The following JAZF1 variants were observed in gnomAD, a reference collection of about 807,000 sequenced individuals.
JAZF1 encodes juxtaposed with another zinc finger protein 1.
A neutral mutation model predicts 26.4 loss-of-function variants in JAZF1; 8 were observed. The ratio of observed to expected loss-of-function variants is 0.30; its 90% confidence interval spans 0.18 to 0.55. The LOEUF (loss-of-function observed/expected upper bound fraction) is 0.55, where lower values mean the gene tolerates loss of function less well. Among genes scored for constraint, JAZF1 ranks in the 20% least tolerant of loss-of-function variants. The pLI, the probability that JAZF1 is intolerant of heterozygous loss-of-function variation, is 0.94. For synonymous variants in JAZF1, 126 were observed against 122.3 expected (o/e 1.03, Z -0.20); for missense variants, 199 against 322.0 (o/e 0.62, Z 2.92).
At chr7:28,078,557 T>A (rs967030057) in intron 1 of JAZF1, among the ~76,000 whole-genome samples, 2 of 152,204 alleles carry the variant, frequency 1.3e-5, no homozygotes, top group African/African-American at 4.8e-5. Flanking sequence ...CCAGATTAAT[T>A]TCATGTAACC....
chr7:28,172,018 T>C (rs575591940), intron 1 of JAZF1, among the ~76,000 whole-genome samples: 10 of 152,204 alleles, frequency 6.6e-5, no homozygotes, highest in Non-Finnish European at 1.2e-4. Context: ...CACAAAATTT[T>C]ACAAGCCGCA....
rs775277755 is a variant in JAZF1 at position 28,051,131 on chromosome 7, CAA to C, written c.116-59152_116-59151del. On this transcript the variant is annotated intron_variant, in intron 1 of 4. Transcript: ENST00000283928. ...CAGGCGATAGTGCAAGACTCCATCT[CAA>C]AAAAAAAAAAAAAAAAAAAAAAACA... 2.8e-3 allele frequency among the ~76,000 whole-genome samples: 266 copies of C among 96,514 alleles called. 1 individual carries two copies. In the Middle Eastern group the frequency reaches 0.03, roughly 11 times the overall value. 63.3% of individuals were successfully genotyped at this position (96,514 alleles called of 152,430 possible). A position where few individuals can be genotyped will look rare whatever the true frequency, so the allele number is the denominator to read the frequency against.
intron 1 of JAZF1, among the ~76,000 whole-genome samples, chr7:28,094,770 TA>T (rs199768498): frequency 3.9e-5 from 6 of 151,922 alleles, no homozygotes; most frequent in African/African-American, 1.5e-4. Context: ...TATTATTTTT[TA>T]TTTTTTTTGC....
intron 1 of JAZF1, among the ~76,000 whole-genome samples, chr7:28,075,022 A>G (rs1232770583): frequency 6.6e-6 from 1 of 152,184 alleles, no homozygotes; most frequent in Admixed American, 6.5e-5. Context: ...CCACTTTTAA[A>G]GAACTGTCCT....
At chr7:27,920,254 TTAACA>T (rs1784506222) in intron 2 of JAZF1, among the ~76,000 whole-genome samples, 3 of 152,244 alleles carry the variant, frequency 2.0e-5, no homozygotes, top group African/African-American at 7.2e-5. Flanking sequence ...ATTATAATTG[TTAACA>T]TAAATAACTG....
intron 1 of JAZF1, among the ~76,000 whole-genome samples, chr7:28,172,603 A>C (rs1783487265): frequency 1.3e-5 from 2 of 152,232 alleles, no homozygotes; most frequent in African/African-American, 4.8e-5. Flanking sequence ...CACTTAGATA[A>C]GAACTGAATC....
intron 2 of JAZF1, among the ~76,000 whole-genome samples, chr7:27,967,484 C>T (rs374439614): frequency 2.5e-4 from 38 of 152,222 alleles, no homozygotes; most frequent in Middle Eastern, 6.8e-3. Flanking sequence ...GAAGTAATGT[C>T]TTCTTGCCAG....
intron 2 of JAZF1, among the ~76,000 whole-genome samples, chr7:27,898,249 C>T (rs1327197287): frequency 6.9e-6 from 1 of 144,742 alleles, no homozygotes; most frequent in Non-Finnish European, 1.5e-5. Context: ...GAGAGACAGC[C>T]AGAGGCAGAG....
At chr7:27,866,366 C>T (rs1482814927) in intron 3 of JAZF1, among the ~76,000 whole-genome samples, 2 of 152,192 alleles carry the variant, frequency 1.3e-5, no homozygotes, top group African/African-American at 4.8e-5. Context: ...CCAGAGCCCA[C>T]ATGGTGAGGT....
intron 3 of JAZF1, among the ~76,000 whole-genome samples, chr7:27,862,767 C>T (rs572946388): frequency 1.3e-5 from 2 of 152,322 alleles, no homozygotes; most frequent in African/African-American, 4.8e-5. Context: ...ATCTTTGTGG[C>T]TTATGATTTT....
In JAZF1 at chr7:27,840,581, G is replaced by T; in HGVS notation, c.555+117C>A. The T allele has an allele frequency of 9.4e-7, 1 of 1,059,824 alleles. No homozygotes were observed. The highest frequency in any genetic ancestry group is 2.0e-5 in the Admixed American group (1 of 50,036). 65.7% of individuals were successfully genotyped at this position (1,059,824 alleles called of 1,614,324 possible). ...GGCCCACGCACTCTAATGCAGGAGA[G>T]GGGAGTGTCTCCCCCCAGCCCATAC... is the stretch of plus-strand genomic sequence containing the variant. On this transcript the variant is annotated intron_variant, in intron 4 of 4. Transcript: ENST00000283928. This position sits in a 1 kb window ranked among gnomAD's most constrained non-coding sequence, Gnocchi z 5.1.
chr7:28,036,149 A>T (rs1783289205), intron 1 of JAZF1, among the ~76,000 whole-genome samples: 1 of 152,210 alleles, frequency 6.6e-6, no homozygotes, highest in Non-Finnish European at 1.5e-5. Context: ...TGTGGGGGAA[A>T]ATACAAGTAA....
intron 1 of JAZF1, among the ~76,000 whole-genome samples, chr7:28,137,684 G>A (rs1206251408): frequency 1.3e-5 from 2 of 152,124 alleles, no homozygotes; most frequent in South Asian, 2.1e-4. Context: ...CACAGATGCC[G>A]TTTCTTAATA....
At chr7:27,919,923 C>G (rs1784502148) in intron 2 of JAZF1, among the ~76,000 whole-genome samples, 1 of 152,210 alleles carries the variant, frequency 6.6e-6, no homozygotes, top group Admixed American at 6.5e-5. Flanking sequence ...GGAGTTTACT[C>G]TGTGTGCAAG....
Position 28,146,023 on chromosome 7 carries a change from C to T in JAZF1, c.115+34440G>A, listed in dbSNP as rs79254101. On this transcript the variant is annotated intron_variant, in intron 1 of 4. Transcript: ENST00000283928. Reference sequence around the variant, plus strand: ...TCAATTTTCTACTCTTCCTAGAAGCCTTAAGATAAGCCCCATGCTACTATT... The same window carrying T: ...TCAATTTTCTACTCTTCCTAGAAGCTTTAAGATAAGCCCCATGCTACTATT... Among the ~76,000 whole-genome samples, 227 of 152,150 alleles carry T rather than the reference C, an allele frequency of 1.5e-3. 1 individual carries two copies. The highest frequency in any genetic ancestry group is 4.9e-3 in the African/African-American group (203 of 41,524).
chr7:28,104,223 C>T (rs1365049798), intron 1 of JAZF1, among the ~76,000 whole-genome samples: 1 of 152,196 alleles, frequency 6.6e-6, no homozygotes, highest in Non-Finnish European at 1.5e-5. Context: ...CCCCACACTC[C>T]CCCTCTCCAC....
intron 1 of JAZF1, among the ~76,000 whole-genome samples, chr7:28,069,154 A>AC (rs1783930665): frequency 6.6e-6 from 1 of 152,226 alleles, no homozygotes; most frequent in Non-Finnish European, 1.5e-5. Flanking sequence ...CTTAACCAGC[A>AC]CCACAGCTGG....
At chr7:27,987,098 GTC>G (rs1562550324) in intron 2 of JAZF1, among the ~76,000 whole-genome samples, 1 of 151,890 alleles carries the variant, frequency 6.6e-6, no homozygotes, top group Admixed American at 6.5e-5. Context: ...AGTGAGGAGC[GTC>G]TCTGCCTGGC....
Position 27,832,088 on chromosome 7 carries a change from C to T in JAZF1, c.*712G>A, listed in dbSNP as rs957879833. ...AATCAATGTGTGTTAAATGAATGAA[C>T]GAACTGAATAGACTATTTTGTACAA... On this transcript the variant is annotated 3_prime_UTR_variant, in exon 5 of 5. Transcript: ENST00000283928. 7 of 211,794 alleles carry T rather than the reference C, an allele frequency of 3.3e-5. No individual in the cohort carries two copies. The highest frequency in any genetic ancestry group is 1.1e-4 in the African/African-American group (5 of 44,086). The allele number at this position is 211,794 out of a possible 1,614,324, so 13.1% of individuals were successfully genotyped here. A position where few individuals can be genotyped will look rare whatever the true frequency, so the allele number is the denominator to read the frequency against.
Sources: allele counts gnomAD v4.1 joint callset (sites outside exome capture counted in the v4.1 genomes callset), GRCh38; gene constraint gnomAD v4.1.1; non-coding constraint Gnocchi (gnomAD v3.1); transcripts MANE v1.5; gene names NCBI Gene and HGNC (gene_info 2026-07-23, HGNC 2026-07-21).